The following PCDH15 variants were observed in gnomAD, a reference collection of about 807,000 sequenced individuals.
PCDH15 encodes protocadherin-15.
PCDH15 carries 129 observed loss-of-function variants against 178.5 expected under a neutral mutation model. The ratio of observed to expected loss-of-function variants is 0.72; its 90% CI spans 0.63 to 0.84. The LOEUF is 0.84. Among genes scored for constraint, PCDH15 ranks in the 40% least tolerant of loss-of-function variants. The probability of loss-of-function intolerance (pLI) is 0.00; values close to 1 mark genes in which losing one functional copy is unlikely to be tolerated. For synonymous variants in PCDH15, 800 were observed against 732.0 expected, an observed-to-expected ratio of 1.09 and a Z score of -1.50; for missense variants, 2,230 against 2,099.9, an observed-to-expected ratio of 1.06 and a Z score of -1.21.
chr10:54,997,802 A>AC (rs1213928925), intron 2 of PCDH15, among the ~76,000 whole-genome samples: 1 of 152,188 alleles, frequency 6.6e-6, no homozygotes, highest in African/African-American at 2.4e-5. Context: ...TGCTAAAAAA[A>AC]ATGAAAGATT....
chr10:54,367,903 A>G (rs1290157185), intron 5 of PCDH15, among the ~76,000 whole-genome samples: 4 of 151,738 alleles, frequency 2.6e-5, no homozygotes, highest in Non-Finnish European at 5.9e-5. Flanking sequence ...CTTTATACCA[A>G]AAATAAAGTT....
At chr10:53,901,777 C>T (rs2082352557) in intron 26 of PCDH15, among the ~76,000 whole-genome samples, 1 of 152,118 alleles carries the variant, frequency 6.6e-6, no homozygotes, top group Admixed American at 6.6e-5. Flanking sequence ...CTTAAGAATC[C>T]ATGTCTTGAT....
At chr10:54,247,248 T>C (rs1262447887) in intron 8 of PCDH15, among the ~76,000 whole-genome samples, 1 of 151,978 alleles carries the variant, frequency 6.6e-6, no homozygotes, top group African/African-American at 2.4e-5. Flanking sequence ...TCTATTTCCA[T>C]AGATAAAATA....
intron 8 of PCDH15, among the ~76,000 whole-genome samples, chr10:54,270,166 T>C (rs1188877650): frequency 6.6e-6 from 1 of 152,118 alleles, no homozygotes; most frequent in East Asian, 1.9e-4. Flanking sequence ...ATTCAAACAA[T>C]TTGATAGTAG....
intron 2 of PCDH15, among the ~76,000 whole-genome samples, chr10:55,621,984 T>G (rs954156610): frequency 1.4e-5 from 2 of 144,004 alleles, no homozygotes; most frequent in Non-Finnish European, 3.0e-5. Context: ...TCTCGTTCTC[T>G]CTCTATATAT....
intron 15 of PCDH15, among the ~76,000 whole-genome samples, chr10:54,090,434 GGAGTTCA>G (rs1405169901): frequency 6.6e-6 from 1 of 152,114 alleles, no homozygotes; most frequent in Non-Finnish European, 1.5e-5. Flanking sequence ...CCTGAGATCA[GGAGTTCA>G]AGACTAGCCT....
intron 2 of PCDH15, among the ~76,000 whole-genome samples, chr10:55,380,387 C>T (rs550417776): frequency 2.0e-5 from 3 of 152,256 alleles, no homozygotes; most frequent in Middle Eastern, 3.4e-3. Context: ...AGACAATTCT[C>T]TATGGGTCTT....
intron 2 of PCDH15, among the ~76,000 whole-genome samples, chr10:54,940,464 C>T (rs1417251474): frequency 2.0e-5 from 3 of 152,050 alleles, no homozygotes; most frequent in African/African-American, 7.2e-5. Context: ...TCCTTGAATA[C>T]GTACCATTTG....
intron 2 of PCDH15, among the ~76,000 whole-genome samples, chr10:55,140,127 G>A (rs532771384): frequency 3.3e-5 from 5 of 151,916 alleles, no homozygotes; most frequent in African/African-American, 4.8e-5. Context: ...CTCCTGTGAC[G>A]TTACTGAATT....
chr10:53,903,188 T>C (rs199868166), intron 26 of PCDH15, 55 bp downstream of exon 26: 1 of 1,602,078 alleles, frequency 6.2e-7, no homozygotes. Flanking sequence ...TTACAGCTTA[T>C]CTGCAAAACC....
chr10:54,779,278 G>A (rs1191057683), intron 1 of PCDH15, among the ~76,000 whole-genome samples: 1 of 150,672 alleles, frequency 6.6e-6, no homozygotes, highest in Non-Finnish European at 1.5e-5. Context: ...ACTCTGCATT[G>A]AGGATAAAGC....
At chr10:55,381,972 A>G (rs2132002370) in intron 2 of PCDH15, among the ~76,000 whole-genome samples, 1 of 152,258 alleles carries the variant, frequency 6.6e-6, no homozygotes, top group East Asian at 1.9e-4. Context: ...TGAGAGATGG[A>G]GAGGATAAAA....
At chr10:54,129,246 C>T (rs2042228697) in intron 15 of PCDH15, among the ~76,000 whole-genome samples, 4 of 151,860 alleles carry the variant, frequency 2.6e-5, no homozygotes, top group African/African-American at 7.3e-5. Flanking sequence ...TAACATATCT[C>T]GGTTTGTAAG....
intron 2 of PCDH15, among the ~76,000 whole-genome samples, chr10:54,647,424 A>C (rs555878395): frequency 3.0e-4 from 45 of 152,014 alleles, no homozygotes; most frequent in African/African-American, 9.9e-4. Flanking sequence ...GAAAGATAAA[A>C]ATTCTAGAAA....
intron 2 of PCDH15, among the ~76,000 whole-genome samples, chr10:55,095,294 A>G (rs1391835747): frequency 6.6e-6 from 1 of 151,936 alleles, no homozygotes; most frequent in East Asian, 1.9e-4. Context: ...CACCTTAATA[A>G]TTTATTTAAA....
intron 29 of PCDH15, among the ~76,000 whole-genome samples, chr10:53,837,779 A>G (rs2077393468): frequency 1.3e-5 from 2 of 151,994 alleles, no homozygotes; most frequent in Admixed American, 1.3e-4. Context: ...ATACACACAT[A>G]TACACATGTA....
At chr10:54,304,516 C>T (rs532060947) in intron 8 of PCDH15, among the ~76,000 whole-genome samples, 1 of 151,790 alleles carries the variant, frequency 6.6e-6, no homozygotes, top group South Asian at 2.1e-4. Context: ...CTTAGAATGT[C>T]CAAGGGATAG....
At chr10:54,033,726 C>T (rs948909163) in intron 18 of PCDH15, among the ~76,000 whole-genome samples, 15 of 151,930 alleles carry the variant, frequency 9.9e-5, no homozygotes, top group African/African-American at 3.4e-4. Context: ...ACATTTTCTG[C>T]CAAGTTATAA....
intron 2 of PCDH15, among the ~76,000 whole-genome samples, chr10:54,630,374 T>G (rs2134669838): frequency 6.6e-6 from 1 of 152,262 alleles, no homozygotes; most frequent in South Asian, 2.1e-4. Flanking sequence ...TTACAACCAT[T>G]TGATCTTCAA....
Sources: gnomAD v4.1 joint callset for allele counts (sites outside exome capture counted in the v4.1 genomes callset) on GRCh38, gnomAD v4.1.1 for gene constraint, MANE v1.5 for transcripts, NCBI Gene and HGNC (gene_info 2026-07-23, HGNC 2026-07-21) for gene names.